The following LRRIQ3 variants were observed in gnomAD, a reference collection of about 807,000 sequenced individuals.
LRRIQ3 encodes the protein leucine-rich repeat and IQ domain-containing protein 3.
In LRRIQ3, 75 loss-of-function variants were observed where a neutral mutation model predicts 59.3. The ratio of observed to expected loss-of-function variants is 1.26; its 90% confidence interval spans 1.05 to 1.53. LRRIQ3 has a LOEUF of 1.53. Among genes scored for constraint, LRRIQ3 ranks in the 40% most tolerant of loss-of-function variants. LRRIQ3 has a pLI of 0.00. For synonymous variants in LRRIQ3, 250 were observed against 231.3 expected (o/e 1.08, Z -0.73); for missense variants, 831 against 710.0 (o/e 1.17, Z -1.94).
chr1:74,193,514 A>G (rs1269679485), intron 1 of LRRIQ3, among the ~76,000 whole-genome samples: 1 of 152,194 alleles, frequency 6.6e-6, no homozygotes, highest in Non-Finnish European at 1.5e-5. Context: ...CAAGGTTATA[A>G]CTCATGAATA....
chr1:74,026,970 C>T lies in LRRIQ3; in HGVS notation c.1719-1G>A, dbSNP rs760147513. 6.6e-7 allele frequency: 1 copy of T among 1,513,730 alleles called. No homozygotes were observed. The highest frequency in any genetic ancestry group is 9.0e-7 in the Non-Finnish European group (1 of 1,111,722). The allele number at this position is 1,513,730 out of a possible 1,614,324, so 93.8% of individuals were successfully genotyped here. On this transcript the variant is annotated splice_acceptor_variant, in intron 7 of 7. Transcript: ENST00000354431. LOFTEE classifies it high-confidence loss of function. ...ATGTCTTTTATATATTTCTTGAGAT[C>T]TAAGAGGAGAAAGAAAGGTAATAGA...
At chr1:74,152,399 CCA>C (rs1305881189) in intron 4 of LRRIQ3, among the ~76,000 whole-genome samples, 2 of 151,768 alleles carry the variant, frequency 1.3e-5, no homozygotes, top group East Asian at 3.9e-4. Context: ...CAATATATCT[CCA>C]GTCTAATCAT....
At chr1:74,038,425 C>T (rs1053472087) in intron 7 of LRRIQ3, among the ~76,000 whole-genome samples, 12 of 152,078 alleles carry the variant, frequency 7.9e-5, no homozygotes, top group Non-Finnish European at 5.9e-5. Flanking sequence ...AAGTGGGTTT[C>T]CCCCCCAGCA....
At chr1:74,059,352 T>TTTTTTTTTTTTTTTTTTTTTGAGACGGAG (rs1557597228) in intron 6 of LRRIQ3, among the ~76,000 whole-genome samples, 1 of 151,994 alleles carries the variant, frequency 6.6e-6, no homozygotes, top group African/African-American at 2.4e-5. Flanking sequence ...ATCTTCTCTT[T>TTTTTTTTTTTTTTTTTTTTTGAGACGGAG]TAAGACATTT....
At chr1:74,166,541 T>A (rs1337101683) in intron 3 of LRRIQ3, among the ~76,000 whole-genome samples, 1 of 151,794 alleles carries the variant, frequency 6.6e-6, no homozygotes, top group African/African-American at 2.4e-5. Flanking sequence ...TCAGTTTCAC[T>A]AATATTCACT....
intron 5 of LRRIQ3, among the ~76,000 whole-genome samples, chr1:74,100,217 T>C (rs1646510326): frequency 6.6e-6 from 1 of 152,150 alleles, no homozygotes. Context: ...AGTCTCAGGA[T>C]ACAAAATCAA....
intron 5 of LRRIQ3, among the ~76,000 whole-genome samples, chr1:74,088,069 G>C (rs373896968): frequency 2.0e-5 from 3 of 151,776 alleles, no homozygotes; most frequent in African/African-American, 7.3e-5. Context: ...CTCCAGCCTC[G>C]GCAACAGAGT....
intron 5 of LRRIQ3, among the ~76,000 whole-genome samples, chr1:74,079,833 AT>A (rs1340491671): frequency 2.0e-5 from 3 of 151,794 alleles, no homozygotes; most frequent in African/African-American, 7.2e-5. Context: ...ACCAGAAATA[AT>A]TTTAAAAGAA....
chr1:74,101,338 G>A (rs990455107), intron 5 of LRRIQ3, among the ~76,000 whole-genome samples: 32 of 152,134 alleles, frequency 2.1e-4, no homozygotes, highest in Non-Finnish European at 3.8e-4. Context: ...TCAGAGAAAT[G>A]CAAATAAAAA....
Position 74,041,570 on chromosome 1 carries a change from CTAACTCT to C in LRRIQ3, c.1354_1360del (p.Arg452GlufsTer2). Reference sequence around the variant, plus strand: ...ATTCAAATGTTCATTAACAGCTACTCTAACTCTTTCTCGAGCAACTTGTGCCATGGCT... The same window carrying C: ...ATTCAAATGTTCATTAACAGCTACTCTTCTCGAGCAACTTGTGCCATGGCT... On this transcript the variant is annotated frameshift_variant, in exon 7 of 8. Transcript: ENST00000354431. LOFTEE classifies it high-confidence loss of function. The C allele has an allele frequency of 1.2e-6, 2 of 1,613,648 alleles. No individual in the cohort carries two copies. The highest frequency in any genetic ancestry group is 8.5e-7 in the Non-Finnish European group (1 of 1,179,852).
At chr1:74,111,739 T>C (rs1646697763) in intron 4 of LRRIQ3, among the ~76,000 whole-genome samples, 1 of 152,222 alleles carries the variant, frequency 6.6e-6, no homozygotes. Context: ...ACCACAATTT[T>C]CTCTCTTCTT....
At chr1:74,037,444 T>C (rs1653904676) in intron 7 of LRRIQ3, among the ~76,000 whole-genome samples, 1 of 151,858 alleles carries the variant, frequency 6.6e-6, no homozygotes. Context: ...TGGAGACCAG[T>C]CTGGCCAACG....
intron 4 of LRRIQ3, among the ~76,000 whole-genome samples, chr1:74,126,061 G>A (rs1020087739): frequency 7.3e-5 from 11 of 151,692 alleles, no homozygotes; most frequent in African/African-American, 2.2e-4. Flanking sequence ...GTTTTGGATC[G>A]TTTCACGGTT....
intron 4 of LRRIQ3, among the ~76,000 whole-genome samples, chr1:74,123,231 T>G (rs1646887404): frequency 6.6e-6 from 1 of 152,070 alleles, no homozygotes; most frequent in Admixed American, 6.6e-5. Context: ...AGGCCTATAA[T>G]GCATAACAAT....
intron 7 of LRRIQ3, among the ~76,000 whole-genome samples, chr1:74,030,453 A>G (rs1342904490): frequency 6.6e-6 from 1 of 152,062 alleles, no homozygotes; most frequent in African/African-American, 2.4e-5. Context: ...CAGAAATAAT[A>G]CCACACATCT....
chr1:74,037,552 T>C (rs1023010109), intron 7 of LRRIQ3, among the ~76,000 whole-genome samples: 2 of 151,932 alleles, frequency 1.3e-5, no homozygotes, highest in Non-Finnish European at 2.9e-5. Context: ...AGGAGAATCA[T>C]TTGGGAGGTG....
chr1:74,188,893 C>G (rs1032774944), intron 1 of LRRIQ3, among the ~76,000 whole-genome samples: 8 of 152,074 alleles, frequency 5.3e-5, no homozygotes, highest in African/African-American at 1.9e-4. Context: ...TTCTCCACAG[C>G]CAATAATCAC....
intron 5 of LRRIQ3, 43 bp from the exon 6 acceptor site, chr1:74,074,833 T>C (rs1646185435): frequency 2.9e-6 from 3 of 1,035,506 alleles, no homozygotes; most frequent in Non-Finnish European, 4.0e-6. Flanking sequence ...TAATATCTCA[T>C]GTGTTTTAGA....
At chr1:74,104,584 G>T (rs1433200824) in intron 5 of LRRIQ3, among the ~76,000 whole-genome samples, 2 of 151,968 alleles carry the variant, frequency 1.3e-5, no homozygotes, top group African/African-American at 4.8e-5. Flanking sequence ...ATCTGAAAAG[G>T]TTACATACTA....
Sources: allele counts gnomAD v4.1 joint callset (sites outside exome capture counted in the v4.1 genomes callset), GRCh38; gene constraint gnomAD v4.1.1; transcripts MANE v1.5; gene names NCBI Gene and HGNC (gene_info 2026-07-23, HGNC 2026-07-21).